The following CPT1A variants were observed in gnomAD, a reference collection of about 807,000 sequenced individuals.
CPT1A encodes carnitine palmitoyltransferase 1A.
In CPT1A, 64 loss-of-function variants were observed where a neutral mutation model predicts 100.8. The ratio of observed to expected loss-of-function variants is 0.63; its 90% CI spans 0.52 to 0.78. The LOEUF (loss-of-function observed/expected upper bound fraction) is 0.78. Among genes scored for constraint, CPT1A ranks in the 30% least tolerant of loss-of-function variants. CPT1A has a pLI of 0.00. For missense variants in CPT1A, 802 were observed against 1,034.1 expected (o/e 0.78, Z 3.08); for synonymous variants, 363 against 396.0 (o/e 0.92, Z 0.99).
intron 13 of CPT1A, chr11:68,773,847 G>C (rs1855065809): frequency 3.4e-6 from 1 of 296,566 alleles, no homozygotes; most frequent in Admixed American, 4.7e-5. Context: ...TTGGGCGAGT[G>C]GGCTGAAGCA....
At chr11:68,783,177 G>A (rs1197003226) in intron 10 of CPT1A, among the ~76,000 whole-genome samples, 1 of 151,894 alleles carries the variant, frequency 6.6e-6, no homozygotes, top group Non-Finnish European at 1.5e-5. Context: ...CCTCTTTCAG[G>A]CCCTCACTAC....
At chr11:68,774,896 G>A (rs1454059243) in intron 13 of CPT1A, among the ~76,000 whole-genome samples, 1 of 151,756 alleles carries the variant, frequency 6.6e-6, no homozygotes, top group Non-Finnish European at 1.5e-5. Context: ...TTCCCAAAAG[G>A]GCTCCTGTGA....
rs537749330 is a variant in CPT1A at position 68,761,549 on chromosome 11, G to A, written c.2014C>T (p.Pro672Ser). ...AAGAGACTTACTTCCTTAAGGAAAG[G>A]GGACTCCACAGCGAGATATTTAGAC... ...VVSKYLAVES[P>S]FLKEVLSEPW... The change falls in exon 16 of 19, where the codon CCT becomes TCT. Residue 672 changes from proline (P) to serine (S), a missense_variant. Coordinates refer to ENST00000265641, the MANE Select transcript of CPT1A (RefSeq NM_001876.4). 1 of 1,613,950 alleles carries A rather than the reference G, an allele frequency of 6.2e-7. No individual in the cohort carries two copies. The highest frequency in any genetic ancestry group is 8.5e-7 in the Non-Finnish European group (1 of 1,179,976).
chr11:68,803,983 G>A lies in CPT1A; in HGVS notation c.555+17C>T. 2.5e-6 allele frequency: 4 copies of A among 1,587,796 alleles called. No individual in the cohort carries two copies. The highest frequency in any genetic ancestry group is 2.2e-5 in the East Asian group (1 of 44,758). On this transcript the variant is annotated intron_variant, in intron 5 of 18. Coordinates refer to ENST00000265641, the MANE Select transcript of CPT1A (RefSeq NM_001876.4). ...CAGATGGCTGGCATTTCAGTGTGAG[G>A]CCTAAGCCACACCTACCCTGTTCAC...
chr11:68,831,127 T>C (rs1856865115), intron 1 of CPT1A, among the ~76,000 whole-genome samples: 1 of 152,262 alleles, frequency 6.6e-6, no homozygotes, highest in Non-Finnish European at 1.5e-5. Context: ...AAGTGTTCAC[T>C]TTGTTCCCTT....
chr11:68,764,435 G>C (rs957288495), intron 14 of CPT1A, among the ~76,000 whole-genome samples: 6 of 152,184 alleles, frequency 3.9e-5, no homozygotes. Flanking sequence ...ACCCAGAAGA[G>C]GGTGCCAGAG....
At chr11:68,766,828 A>G (rs375450117) in intron 14 of CPT1A, among the ~76,000 whole-genome samples, 1 of 19,956 alleles carries the variant, frequency 5.0e-5, no homozygotes, top group African/African-American at 8.2e-5. Context: ...TCAAGGAGGA[A>G]AAAAAAAAAA....
chr11:68,766,981 G>A (rs1344603510), intron 14 of CPT1A, among the ~76,000 whole-genome samples: 1 of 152,152 alleles, frequency 6.6e-6, no homozygotes, highest in Middle Eastern at 3.2e-3. Flanking sequence ...GCTCTCTGTG[G>A]CGACTACTCC....
At chr11:68,838,903 T>C (rs2154003152) in intron 1 of CPT1A, among the ~76,000 whole-genome samples, 1 of 152,312 alleles carries the variant, frequency 6.6e-6, no homozygotes, top group East Asian at 1.9e-4. Flanking sequence ...CGTATGCTTA[T>C]ATCGCTTATT....
At position 68,820,571 on chromosome 11, in the gene CPT1A, T is replaced by TA. The variant is rs1231644708; in HGVS notation, c.-13-5085dup. 2.6e-5 allele frequency among the ~76,000 whole-genome samples: 4 copies of TA among 152,164 alleles called. No homozygotes were observed. In the East Asian group the frequency reaches 7.8e-4, roughly 30 times the overall value. On this transcript the variant is annotated intron_variant, in intron 1 of 18. Coordinates refer to ENST00000265641, the MANE Select transcript of CPT1A (RefSeq NM_001876.4). ...GGTGGTGCATGCCTGTAATCCCAGC[T>TA]ACTTGGGAAGCTGAGGCAGGAGAAT...
chr11:68,808,058 T>G (rs1042404812), intron 3 of CPT1A, among the ~76,000 whole-genome samples: 1 of 152,240 alleles, frequency 6.6e-6, no homozygotes, highest in Admixed American at 6.5e-5. Context: ...AGCCATGCCC[T>G]GCCGACCTGT....
chr11:68,810,340 G>C (rs1323448240), intron 3 of CPT1A, among the ~76,000 whole-genome samples: 2 of 152,218 alleles, frequency 1.3e-5, no homozygotes, highest in Non-Finnish European at 2.9e-5. Flanking sequence ...ACCCAGGTCT[G>C]CCAGCTGCTT....
At chr11:68,809,414 T>C (rs1856134884) in intron 3 of CPT1A, among the ~76,000 whole-genome samples, 1 of 152,256 alleles carries the variant, frequency 6.6e-6, no homozygotes, top group African/African-American at 2.4e-5. Flanking sequence ...CAAAAAGCTT[T>C]CTTTGAAAGG....
intron 9 of CPT1A, among the ~76,000 whole-genome samples, chr11:68,787,942 CA>C (rs58079850): frequency 0.012 from 554 of 45,684 alleles, 1 homozygote; most frequent in African/African-American, 0.03. Flanking sequence ...GACTCAGTCT[CA>C]AAAAAAAAAA....
intron 1 of CPT1A, among the ~76,000 whole-genome samples, chr11:68,826,504 G>T (rs1433415438): frequency 6.6e-6 from 1 of 151,780 alleles, no homozygotes; most frequent in Non-Finnish European, 1.5e-5. Flanking sequence ...GGAGGCCGAG[G>T]GGGGCAGATC....
At position 68,807,181 on chromosome 11, in the gene CPT1A, C is replaced by T. The variant is rs183312070; in HGVS notation, c.453+286G>A. Among the ~76,000 whole-genome samples, 69 of 152,112 alleles carry T rather than the reference C, an allele frequency of 4.5e-4. 1 individual carries two copies. The highest frequency in any genetic ancestry group is 2.9e-3 in the Admixed American group (45 of 15,268). ...GTGAGTCAAGAACACTACAAAGAAC[C>T]GGATGGACAGCACTTTTATTTGATG... On this transcript the variant is annotated intron_variant, in intron 4 of 18. Transcript: ENST00000265641.
intron 4 of CPT1A, among the ~76,000 whole-genome samples, chr11:68,806,448 C>A (rs1856048715): frequency 1.3e-5 from 2 of 152,022 alleles, no homozygotes; most frequent in Non-Finnish European, 2.9e-5. Context: ...GCCTGGCCAA[C>A]AAAACCCCGT....
intron 4 of CPT1A, among the ~76,000 whole-genome samples, chr11:68,805,191 TG>T (rs1856006766): frequency 6.6e-6 from 1 of 152,208 alleles, no homozygotes; most frequent in South Asian, 2.1e-4. Context: ...GGCTCACGCC[TG>T]TTGATCCCAG....
At chr11:68,788,638 A>T (rs1248022006) in intron 9 of CPT1A, among the ~76,000 whole-genome samples, 1 of 148,888 alleles carries the variant, frequency 6.7e-6, no homozygotes, top group African/African-American at 2.4e-5. Flanking sequence ...AGTAAAAAAA[A>T]AAAAAAAAAA....
Sources: gnomAD v4.1 joint callset for allele counts (sites outside exome capture counted in the v4.1 genomes callset) on GRCh38, gnomAD v4.1.1 for gene constraint, MANE v1.5 for transcripts, NCBI Gene and HGNC (gene_info 2026-07-23, HGNC 2026-07-21) for gene names.